The following ERBB4 variants were observed in gnomAD, a reference collection of about 807,000 sequenced individuals.
ERBB4 encodes receptor tyrosine-protein kinase erbB-4.
Under a neutral mutation model 158.0 loss-of-function variants are expected in ERBB4, and 42 were observed. That is an observed-to-expected ratio of 0.27 (90% CI 0.21 to 0.34). The LOEUF is 0.34. Among genes scored for constraint, ERBB4 ranks in the 10% least tolerant of loss-of-function variants. ERBB4 has a pLI of 1.00. For missense variants in ERBB4, 1,333 were observed against 1,624.1 expected (o/e 0.82, Z 3.08); for synonymous variants, 583 against 558.7 (o/e 1.04, Z -0.61).
chr2:211,741,760 T>C (rs2106184810), intron 5 of ERBB4, among the ~76,000 whole-genome samples: 1 of 152,316 alleles, frequency 6.6e-6, no homozygotes, highest in Admixed American at 6.5e-5. Flanking sequence ...TAAACTGTAA[T>C]ATACAGAGTA....
At chr2:212,017,584 A>T (rs2076557181) in intron 2 of ERBB4, among the ~76,000 whole-genome samples, 1 of 152,182 alleles carries the variant, frequency 6.6e-6, no homozygotes, top group Non-Finnish European at 1.5e-5. Context: ...ATGTTGTTGC[A>T]TATAAAAATT....
At chr2:211,672,779 G>T (rs1177090037) in intron 14 of ERBB4, among the ~76,000 whole-genome samples, 23 of 152,076 alleles carry the variant, frequency 1.5e-4, no homozygotes, top group Admixed American at 1.0e-3. Context: ...CTATCTTGAT[G>T]TCTCAATTTC....
chr2:212,343,349 C>G (rs894678471), intron 1 of ERBB4, among the ~76,000 whole-genome samples: 4 of 152,118 alleles, frequency 2.6e-5, no homozygotes, highest in African/African-American at 9.7e-5. Flanking sequence ...CTATGCTTGT[C>G]ATTGTGTCAC....
chr2:212,390,654 T>C (rs1023702970), intron 1 of ERBB4, among the ~76,000 whole-genome samples: 17 of 151,824 alleles, frequency 1.1e-4, no homozygotes, highest in Non-Finnish European at 1.3e-4. Flanking sequence ...ATCTAATACA[T>C]ATGCATTTTT....
chr2:211,957,977 T>C (rs2081077107), intron 2 of ERBB4, among the ~76,000 whole-genome samples: 1 of 152,072 alleles, frequency 6.6e-6, no homozygotes, highest in Admixed American at 6.6e-5. Flanking sequence ...ATATGGGAAA[T>C]ACCCTTTGAG....
chr2:211,414,262 C>G (rs1402966199), intron 25 of ERBB4, among the ~76,000 whole-genome samples: 1 of 152,000 alleles, frequency 6.6e-6, no homozygotes, highest in African/African-American at 2.4e-5. Flanking sequence ...CTTTGGGAGG[C>G]TGAGGCGGGC....
chr2:212,057,392 G>T (rs1268564464), intron 2 of ERBB4, among the ~76,000 whole-genome samples: 1 of 151,954 alleles, frequency 6.6e-6, no homozygotes, highest in East Asian at 1.9e-4. Flanking sequence ...GTTAACAAGG[G>T]TAACCAGGAA....
At chr2:211,621,573 G>A (rs1032457210) in intron 18 of ERBB4, among the ~76,000 whole-genome samples, 2 of 152,078 alleles carry the variant, frequency 1.3e-5, no homozygotes, top group African/African-American at 2.4e-5. Context: ...ATGCTTAAAT[G>A]GGTAACATTT....
At chr2:211,439,963 A>G (rs923652325) in intron 20 of ERBB4, among the ~76,000 whole-genome samples, 46 of 152,122 alleles carry the variant, frequency 3.0e-4, no homozygotes, top group African/African-American at 1.1e-3. Context: ...CAGAAGTTTC[A>G]TTTACCACTC....
chr2:211,457,631 G>A (rs572744805), intron 20 of ERBB4, among the ~76,000 whole-genome samples: 1 of 152,242 alleles, frequency 6.6e-6, no homozygotes, highest in South Asian at 2.1e-4. Flanking sequence ...GGGAGATGAG[G>A]GTCGTGGAGG....
At chr2:211,774,901 T>C (rs1483854041) in intron 4 of ERBB4, among the ~76,000 whole-genome samples, 3 of 152,212 alleles carry the variant, frequency 2.0e-5, no homozygotes, top group African/African-American at 7.2e-5. Context: ...TGATTGCTTC[T>C]GTTAAGTAAT....
chr2:211,423,862 T>C (rs1574463484), intron 23 of ERBB4, among the ~76,000 whole-genome samples: 3 of 152,106 alleles, frequency 2.0e-5, no homozygotes, highest in Middle Eastern at 6.8e-3. Context: ...AACATTCATG[T>C]TAGTAATGTT....
At chr2:211,413,318 ACACAC>A (rs1458809046) in intron 25 of ERBB4, among the ~76,000 whole-genome samples, 5 of 131,652 alleles carry the variant, frequency 3.8e-5, no homozygotes, top group Admixed American at 7.5e-5. Context: ...AAACACACAC[ACACAC>A]ACACACACAC....
At chr2:211,713,087 T>G (rs1470919513) in intron 8 of ERBB4, among the ~76,000 whole-genome samples, 3 of 152,160 alleles carry the variant, frequency 2.0e-5, no homozygotes, top group African/African-American at 7.2e-5. Flanking sequence ...ATTTCATAGA[T>G]CTCATCTTTC....
intron 1 of ERBB4, among the ~76,000 whole-genome samples, chr2:212,260,818 A>T (rs1188368917): frequency 6.6e-6 from 1 of 152,114 alleles, no homozygotes; most frequent in African/African-American, 2.4e-5. Flanking sequence ...GTCTCAAAAA[A>T]ATAAAAAAAA....
At chr2:211,536,702 A>C (rs1469493527) in intron 20 of ERBB4, among the ~76,000 whole-genome samples, 1 of 152,084 alleles carries the variant, frequency 6.6e-6, no homozygotes, top group African/African-American at 2.4e-5. Context: ...TCATCGAAGA[A>C]TGGGAGTCAG....
chr2:211,623,028 TATATATATATATATATAA>T lies in ERBB4; in HGVS notation c.2202+876_2202+893del, dbSNP rs1182024001. 4.6e-3 allele frequency among the ~76,000 whole-genome samples: 300 copies of T among 65,346 alleles called. 1 individual carries two copies. The highest frequency in any genetic ancestry group is 9.8e-3 in the Middle Eastern group (1 of 102). 42.9% of individuals were successfully genotyped at this position (65,346 alleles called of 152,430 possible). ...ATATATATATATATATATATATATA[TATATATATATATATATAA>T]AATGCCAAAGTAACTTTTGGGAATT... On this transcript the variant is annotated intron_variant, in intron 18 of 27. Transcript: ENST00000342788.
chr2:211,512,274 A>T (rs1559244192), intron 20 of ERBB4, among the ~76,000 whole-genome samples: 1 of 152,076 alleles, frequency 6.6e-6, no homozygotes, highest in Non-Finnish European at 1.5e-5. Flanking sequence ...TAAGACATAG[A>T]CATGCGGTTT....
chr2:211,575,560 T>G (rs558560590), intron 19 of ERBB4, among the ~76,000 whole-genome samples: 1 of 152,218 alleles, frequency 6.6e-6, no homozygotes, highest in South Asian at 2.1e-4. Context: ...TTAGTATAAC[T>G]TGGGAAAGTA....
Sources: gnomAD v4.1 joint callset for allele counts (sites outside exome capture counted in the v4.1 genomes callset) on GRCh38, gnomAD v4.1.1 for gene constraint, MANE v1.5 for transcripts, NCBI Gene and HGNC (gene_info 2026-07-23, HGNC 2026-07-21) for gene names.